GABRB3: variants seen among roughly 807,000 people sequenced by gnomAD.
GABRB3 encodes the protein gamma-aminobutyric acid receptor subunit beta-3.
A neutral mutation model predicts 52.1 loss-of-function variants in GABRB3; 14 were observed. The observed-to-expected ratio is 0.27, with a 90% CI of 0.18 to 0.42. The LOEUF is 0.42. Ranked by LOEUF, GABRB3 falls within the 10% of genes least tolerant of loss-of-function variation. The probability of loss-of-function intolerance (pLI) is 1.00; values close to 1 mark genes in which losing one functional copy is unlikely to be tolerated. For missense variants in GABRB3, 307 were observed against 609.1 expected, an observed-to-expected ratio of 0.50 and a Z score of 5.22; for synonymous variants, 260 against 232.3, an observed-to-expected ratio of 1.12 and a Z score of -1.08.
chr15:26,701,970 A>T (rs1201553292), intron 3 of GABRB3, among the ~76,000 whole-genome samples: 1 of 152,240 alleles, frequency 6.6e-6, no homozygotes, highest in Non-Finnish European at 1.5e-5. Flanking sequence ...AGTTAGTTCA[A>T]TGAAAAAGAA....
At chr15:26,697,959 G>C (rs1888797528) in intron 3 of GABRB3, among the ~76,000 whole-genome samples, 3 of 152,114 alleles carry the variant, frequency 2.0e-5, no homozygotes. Context: ...AAATAATTTA[G>C]AACTCATCTG....
chr15:26,724,224 A>T (rs1337191494), intron 3 of GABRB3, among the ~76,000 whole-genome samples: 4 of 152,168 alleles, frequency 2.6e-5, no homozygotes, highest in Non-Finnish European at 4.4e-5. Flanking sequence ...ACATAAATCT[A>T]ACAGTATCAG....
chr15:26,554,177 T>C (rs1476948474), intron 8 of GABRB3, among the ~76,000 whole-genome samples: 1 of 8,672 alleles, frequency 1.2e-4, no homozygotes, highest in African/African-American at 2.7e-4. Flanking sequence ...ATATATAAAG[T>C]ATATATATAT....
intron 3 of GABRB3, among the ~76,000 whole-genome samples, chr15:26,746,126 CT>C (rs971833249): frequency 5.3e-5 from 8 of 151,182 alleles, no homozygotes; most frequent in African/African-American, 1.5e-4. Flanking sequence ...AACAGTGTCA[CT>C]TTTTTTTTAT....
At chr15:26,684,894 G>A (rs1214420391) in intron 3 of GABRB3, among the ~76,000 whole-genome samples, 1 of 152,190 alleles carries the variant, frequency 6.6e-6, no homozygotes, top group African/African-American at 2.4e-5. Context: ...TTCAAATATT[G>A]CAAGAATTAC....
chr15:26,707,504 G>A (rs1179002980), intron 3 of GABRB3, among the ~76,000 whole-genome samples: 1 of 152,202 alleles, frequency 6.6e-6, no homozygotes, highest in African/African-American at 2.4e-5. Context: ...GGGCAAGAAA[G>A]GGTCACGTGT....
chr15:26,558,847 A>AAAAAGAAAG (rs1555401245), intron 8 of GABRB3, among the ~76,000 whole-genome samples: 68 of 151,956 alleles, frequency 4.5e-4, no homozygotes, highest in African/African-American at 1.6e-3. Context: ...TCAAAAAAAA[A>AAAAAGAAAG]AAAGAAAGAA....
At chr15:26,637,619 T>C (rs1362127157) in intron 3 of GABRB3, among the ~76,000 whole-genome samples, 3 of 152,158 alleles carry the variant, frequency 2.0e-5, no homozygotes, top group Admixed American at 1.3e-4. Context: ...TTTTCAGAGG[T>C]GTTCCAGATT....
chr15:26,641,261 G>C (rs1161119158), intron 3 of GABRB3, among the ~76,000 whole-genome samples: 2 of 152,238 alleles, frequency 1.3e-5, no homozygotes, highest in South Asian at 2.1e-4. Flanking sequence ...ATGAGGCGGA[G>C]AAATAACACC....
intron 3 of GABRB3, among the ~76,000 whole-genome samples, chr15:26,704,782 A>G (rs535693098): frequency 1.3e-5 from 2 of 152,218 alleles, no homozygotes; most frequent in African/African-American, 4.8e-5. Context: ...CCAGTTTTCA[A>G]TACCTTGTTC....
intron 3 of GABRB3, among the ~76,000 whole-genome samples, chr15:26,731,193 G>C (rs572139682): frequency 1.3e-5 from 2 of 152,190 alleles, no homozygotes; most frequent in East Asian, 3.9e-4. Context: ...GAACACCTGT[G>C]ACCTATTAAA....
At chr15:26,705,889 T>G (rs765821247) in intron 3 of GABRB3, among the ~76,000 whole-genome samples, 1 of 151,920 alleles carries the variant, frequency 6.6e-6, no homozygotes, top group Non-Finnish European at 1.5e-5. Context: ...TACCAGAAAC[T>G]CCAAAAGGAG....
At chr15:26,766,872 G>A (rs537955764) in intron 3 of GABRB3, among the ~76,000 whole-genome samples, 2 of 152,272 alleles carry the variant, frequency 1.3e-5, no homozygotes, top group South Asian at 2.1e-4. Context: ...ACAGGACCAT[G>A]CATGTAAGAT....
At chr15:26,670,084 G>A (rs1015088521) in intron 3 of GABRB3, among the ~76,000 whole-genome samples, 6 of 152,220 alleles carry the variant, frequency 3.9e-5, no homozygotes. Flanking sequence ...CTGCTCGAGC[G>A]CCCCGGAGCC....
intron 3 of GABRB3, among the ~76,000 whole-genome samples, chr15:26,768,866 T>C (rs976947195): frequency 6.6e-6 from 1 of 152,136 alleles, no homozygotes; most frequent in East Asian, 1.9e-4. Flanking sequence ...TGGAAATGCA[T>C]AACTCCACTA....
Position 26,670,515 on chromosome 15 carries a change from A to G in GABRB3, c.241-48981T>C, listed in dbSNP as rs1423110287. 2.0e-5 allele frequency among the ~76,000 whole-genome samples: 3 copies of G among 152,000 alleles called. 1 individual carries two copies. On this transcript the variant is annotated intron_variant, in intron 3 of 8. Transcript: ENST00000311550. ...GAAGGGAGGAAGGGAAGAGAAGAGG[A>G]GCCCAGGCCCGTGCCGACCGCAGCT...
chr15:26,608,489 A>G (rs1268259377), intron 4 of GABRB3, among the ~76,000 whole-genome samples: 6 of 152,168 alleles, frequency 3.9e-5, no homozygotes, highest in African/African-American at 9.6e-5. Context: ...ACCAAAAACA[A>G]TGAATACTAT....
At position 26,678,066 on chromosome 15, in the gene GABRB3, C is replaced by T. The variant is rs115946474; in HGVS notation, c.241-56532G>A. 8.2e-3 allele frequency among the ~76,000 whole-genome samples: 1,243 copies of T among 152,196 alleles called. 18 individuals carry two copies. The highest frequency in any genetic ancestry group is 0.029 in the African/African-American group (1,185 of 41,522). On this transcript the variant is annotated intron_variant, in intron 3 of 8. Coordinates refer to ENST00000311550, the MANE Select transcript of GABRB3 (RefSeq NM_000814.6). ...TCCAAAGAAAAAACAGAGTGGGTGT[C>T]GCACCAAAGAAAGGAAAGCCCAAAA...
chr15:26,586,839 A>C (rs1891011441), intron 4 of GABRB3, among the ~76,000 whole-genome samples: 1 of 152,214 alleles, frequency 6.6e-6, no homozygotes, highest in African/African-American at 2.4e-5. Flanking sequence ...TGTGGAATTA[A>C]AACAATGAAC....
Sources: gnomAD v4.1 joint callset for allele counts (sites outside exome capture counted in the v4.1 genomes callset) on GRCh38, gnomAD v4.1.1 for gene constraint, MANE v1.5 for transcripts, NCBI Gene and HGNC (gene_info 2026-07-23, HGNC 2026-07-21) for gene names.